TAOK1: variants seen among roughly 807,000 people sequenced by gnomAD.
The protein encoded by TAOK1 is serine/threonine-protein kinase TAO1.
A neutral mutation model predicts 138.3 loss-of-function variants in TAOK1; 21 were observed. The ratio of observed to expected loss-of-function variants is 0.15; its 90% CI spans 0.11 to 0.22. The LOEUF is 0.22. Among genes scored for constraint, TAOK1 ranks in the 10% least tolerant of loss-of-function variants. The pLI, the probability that TAOK1 is intolerant of heterozygous loss-of-function variation, is 1.00. For synonymous variants in TAOK1, 361 were observed against 398.4 expected (o/e 0.91, Z 1.12); for missense variants, 651 against 1,227.7 (o/e 0.53, Z 7.02).
rs925666755 is a variant in TAOK1, at chr17:29,391,417, C to T, written c.-95+393C>T. On this transcript the variant is annotated intron_variant, in intron 1 of 19. Coordinates refer to ENST00000261716, the MANE Select transcript of TAOK1 (RefSeq NM_020791.4). ...TGGGAAGGGAGACTGCTCTGGGTGG[C>T]TTGCTGGGTGGATTCCACCCCCTAG... 2.0e-5 allele frequency among the ~76,000 whole-genome samples: 3 copies of T among 152,112 alleles called. No homozygotes were observed. In the East Asian group the frequency reaches 5.8e-4, roughly 29 times the overall value.
At chr17:29,448,040 G>T in intron 1 of TAOK1, among the ~76,000 whole-genome samples, 1 of 136,238 alleles carries the variant, frequency 7.3e-6, no homozygotes. Flanking sequence ...ATTATTTTTG[G>T]TATCTTTTAC....
chr17:29,541,882 A>AT (rs957652942), intron 19 of TAOK1, among the ~76,000 whole-genome samples: 4 of 151,328 alleles, frequency 2.6e-5, no homozygotes, highest in African/African-American at 7.3e-5. Flanking sequence ...TTTACTTTTT[A>AT]TTTTTTTTGT....
intron 15 of TAOK1, 126 bp downstream of exon 15, chr17:29,511,118 G>A (rs769161734): frequency 3.9e-4 from 292 of 752,818 alleles, no homozygotes; most frequent in Non-Finnish European, 5.2e-4. Context: ...ATGGGTATTA[G>A]TTTAAATGAT....
intron 8 of TAOK1, among the ~76,000 whole-genome samples, chr17:29,486,908 C>G (rs2031184180): frequency 6.6e-6 from 1 of 152,030 alleles, no homozygotes; most frequent in Non-Finnish European, 1.5e-5. Context: ...AGAAGATGGT[C>G]ACAAAGATGG....
At chr17:29,479,339 T>C (rs1300402167) in intron 6 of TAOK1, among the ~76,000 whole-genome samples, 1 of 152,204 alleles carries the variant, frequency 6.6e-6, no homozygotes, top group African/African-American at 2.4e-5. Context: ...GGCAGTACAT[T>C]TTAAACTATA....
intron 8 of TAOK1, 41 bp from the exon 9 acceptor site, chr17:29,489,623 C>T (rs750536773): frequency 4.2e-6 from 6 of 1,436,248 alleles, no homozygotes; most frequent in Non-Finnish European, 5.7e-6. Context: ...TTGAGTACCC[C>T]TGGAACCTAT....
intron 8 of TAOK1, among the ~76,000 whole-genome samples, chr17:29,482,749 T>G (rs57782799): frequency 0.035 from 5,327 of 151,972 alleles, 287 homozygotes; most frequent in African/African-American, 0.12. Flanking sequence ...CATATTTTTT[T>G]TTTTTAAGAC....
chr17:29,531,775 AC>A, intron 18 of TAOK1, among the ~76,000 whole-genome samples: 1 of 136,678 alleles, frequency 7.3e-6, no homozygotes, highest in Non-Finnish European at 1.7e-5. Flanking sequence ...AAAAAAAAAA[AC>A]AGGGCCAGAT....
At chr17:29,465,126 TAA>T (rs1357424340) in intron 2 of TAOK1, among the ~76,000 whole-genome samples, 1 of 138,944 alleles carries the variant, frequency 7.2e-6, no homozygotes, top group Non-Finnish European at 1.5e-5. Context: ...TGGTCTTATT[TAA>T]TTTTTTTTTT....
At chr17:29,504,683 T>TA (rs1335622298) in intron 13 of TAOK1, among the ~76,000 whole-genome samples, 3 of 150,708 alleles carry the variant, frequency 2.0e-5, no homozygotes, top group Non-Finnish European at 3.0e-5. Context: ...AACTAAAAAA[T>TA]AAAAAAAAGA....
At chr17:29,474,619 C>T (rs2030900353) in intron 3 of TAOK1, among the ~76,000 whole-genome samples, 1 of 152,118 alleles carries the variant, frequency 6.6e-6, no homozygotes, top group African/African-American at 2.4e-5. Context: ...TGATTAAATT[C>T]ACCATCTTAT....
chr17:29,404,069 G>A (rs570194517), intron 1 of TAOK1: 1 of 152,150 alleles, frequency 6.6e-6, no homozygotes, highest in South Asian at 2.1e-4. Flanking sequence ...GAATAAAAAA[G>A]TTGGCTGGGC....
chr17:29,496,309 G>T (rs947989598), intron 11 of TAOK1, among the ~76,000 whole-genome samples: 3 of 151,984 alleles, frequency 2.0e-5, no homozygotes, highest in African/African-American at 7.2e-5. Flanking sequence ...GTAGAGACGG[G>T]GTTTCACCGC....
At chr17:29,437,093 T>C (rs922297384) in intron 1 of TAOK1, among the ~76,000 whole-genome samples, 3 of 152,168 alleles carry the variant, frequency 2.0e-5, no homozygotes, top group Non-Finnish European at 4.4e-5. Context: ...ATATGGAATC[T>C]GGCACTGTTG....
At chr17:29,424,747 A>G (rs1347144010) in intron 1 of TAOK1, 3 of 152,148 alleles carry the variant, frequency 2.0e-5, no homozygotes, top group African/African-American at 7.2e-5. Context: ...ACAACTTAAC[A>G]TAAGTTTAAA....
chr17:29,438,011 C>T (rs1173628236), intron 1 of TAOK1, among the ~76,000 whole-genome samples: 1 of 152,018 alleles, frequency 6.6e-6, no homozygotes, highest in African/African-American at 2.4e-5. Context: ...GGATTACAGG[C>T]GTGAGCCAGC....
At chr17:29,449,148 G>A (rs1039734536) in intron 1 of TAOK1, among the ~76,000 whole-genome samples, 12 of 151,918 alleles carry the variant, frequency 7.9e-5, no homozygotes, top group Non-Finnish European at 1.3e-4. Flanking sequence ...TCTTAACTAC[G>A]GTCTTAAGTA....
At chr17:29,410,882 G>A (rs368977034) in intron 1 of TAOK1, among the ~76,000 whole-genome samples, 2 of 151,612 alleles carry the variant, frequency 1.3e-5, no homozygotes, top group Non-Finnish European at 2.9e-5. Context: ...TGATCCACCC[G>A]CCTTGGCCTC....
chr17:29,491,754 G>T (rs768513437), intron 9 of TAOK1, 30 bp from the exon 10 acceptor site: 11 of 1,490,662 alleles, frequency 7.4e-6, no homozygotes, highest in African/African-American at 5.5e-5. Flanking sequence ...AAATAGCAAT[G>T]TGTTCACTTG....
Sources: allele counts gnomAD v4.1 joint callset (sites outside exome capture counted in the v4.1 genomes callset), GRCh38; gene constraint gnomAD v4.1.1; transcripts MANE v1.5; gene names NCBI Gene and HGNC (gene_info 2026-07-23, HGNC 2026-07-21).